Variants in PLEKHA5 observed in about 807,000 individuals in gnomAD.
The protein encoded by PLEKHA5 is pleckstrin homology domain-containing family A member 5.
In PLEKHA5, 55 loss-of-function variants were observed where a neutral mutation model predicts 181.9. The observed-to-expected ratio is 0.30, with a 90% CI of 0.24 to 0.38. PLEKHA5 has a LOEUF of 0.38. Among genes scored for constraint, PLEKHA5 ranks in the 10% least tolerant of loss-of-function variants. The pLI is 1.00. For synonymous variants in PLEKHA5, 535 were observed against 529.4 expected (o/e 1.01, Z -0.15); for missense variants, 1,432 against 1,549.5 (o/e 0.92, Z 1.27).
At chr12:19,181,138 C>T (rs1591960706) in intron 3 of PLEKHA5, among the ~76,000 whole-genome samples, 3 of 151,878 alleles carry the variant, frequency 2.0e-5, no homozygotes, top group Non-Finnish European at 2.9e-5. Flanking sequence ...TTGAGATGAC[C>T]TGAACTAGGT....
chr12:19,210,485 T>C (rs2056686571), intron 3 of PLEKHA5, among the ~76,000 whole-genome samples: 1 of 152,182 alleles, frequency 6.6e-6, no homozygotes, highest in East Asian at 1.9e-4. Flanking sequence ...CTTCTCCCAT[T>C]CTTCTTGATG....
intron 3 of PLEKHA5, among the ~76,000 whole-genome samples, chr12:19,236,406 C>T (rs2061416038): frequency 6.6e-6 from 1 of 152,090 alleles, no homozygotes; most frequent in Non-Finnish European, 1.5e-5. Context: ...ATGAGGCTCA[C>T]ATGAATTTGT....
At chr12:19,355,121 C>T (rs2094852652) in intron 26 of PLEKHA5, among the ~76,000 whole-genome samples, 3 of 152,144 alleles carry the variant, frequency 2.0e-5, no homozygotes, top group Non-Finnish European at 4.4e-5. Context: ...CTATATTTTA[C>T]ATTTTCATCT....
intron 20 of PLEKHA5, among the ~76,000 whole-genome samples, chr12:19,328,558 AGTGTGTGTGTGT>A (rs56041821): frequency 5.5e-4 from 78 of 141,794 alleles, no homozygotes; most frequent in East Asian, 1.7e-3. Context: ...CTTTCCTAGG[AGTGTGTGTGTGT>A]GTGTGTGTGT....
chr12:19,342,463 C>G (rs1242571569), intron 21 of PLEKHA5, among the ~76,000 whole-genome samples: 3 of 152,040 alleles, frequency 2.0e-5, no homozygotes, highest in African/African-American at 7.2e-5. Context: ...TCAAGACCAG[C>G]CTGGCCAACA....
intron 15 of PLEKHA5, chr12:19,307,528 C>T (rs188679281): frequency 3.1e-4 from 95 of 307,484 alleles, no homozygotes; most frequent in Admixed American, 1.2e-3. Context: ...TGCCTAATTT[C>T]GGCTGCTATA....
intron 3 of PLEKHA5, among the ~76,000 whole-genome samples, chr12:19,205,893 A>C (rs1459566454): frequency 6.6e-6 from 1 of 152,132 alleles, no homozygotes; most frequent in East Asian, 1.9e-4. Context: ...CTTTAAAGAA[A>C]ATGATAGGGT....
intron 3 of PLEKHA5, among the ~76,000 whole-genome samples, chr12:19,239,759 T>C (rs1003719638): frequency 6.6e-6 from 1 of 152,208 alleles, no homozygotes; most frequent in African/African-American, 2.4e-5. Flanking sequence ...CAGCCACATC[T>C]GACTAATCCC....
intron 15 of PLEKHA5, among the ~76,000 whole-genome samples, chr12:19,314,376 G>T (rs564389668): frequency 5.9e-5 from 9 of 152,158 alleles, no homozygotes; most frequent in Admixed American, 1.3e-4. Context: ...TACTTGTAGA[G>T]AACTAATTTT....
At chr12:19,258,563 T>TTC (rs1290838873) in intron 6 of PLEKHA5, among the ~76,000 whole-genome samples, 2 of 143,932 alleles carry the variant, frequency 1.4e-5, no homozygotes, top group African/African-American at 2.5e-5. Context: ...TTCTTTTTCT[T>TTC]TTTTTTTTTT....
intron 3 of PLEKHA5, among the ~76,000 whole-genome samples, chr12:19,134,104 T>C (rs1039518084): frequency 1.3e-5 from 2 of 152,038 alleles, no homozygotes; most frequent in Non-Finnish European, 2.9e-5. Flanking sequence ...GTTTATTTGA[T>C]AGTACAAAAT....
At chr12:19,298,284 G>C (rs1234048694) in intron 15 of PLEKHA5, among the ~76,000 whole-genome samples, 1 of 151,774 alleles carries the variant, frequency 6.6e-6, no homozygotes, top group Non-Finnish European at 1.5e-5. Context: ...TGGCAGAACT[G>C]TAAGACTAAA....
chr12:19,305,283 T>G (rs1439864093), intron 15 of PLEKHA5, among the ~76,000 whole-genome samples: 1 of 151,966 alleles, frequency 6.6e-6, no homozygotes, highest in Middle Eastern at 3.2e-3. Flanking sequence ...ATTCAATAGG[T>G]GGGGTGCAGT....
chr12:19,173,954 T>G (rs1415948163), intron 3 of PLEKHA5, among the ~76,000 whole-genome samples: 1 of 152,202 alleles, frequency 6.6e-6, no homozygotes, highest in Non-Finnish European at 1.5e-5. Context: ...GCTATAGAAA[T>G]GATTTTCCAC....
chr12:19,159,800 C>T (rs539633265), intron 3 of PLEKHA5, among the ~76,000 whole-genome samples: 6 of 152,148 alleles, frequency 3.9e-5, no homozygotes, highest in Admixed American at 2.6e-4. Flanking sequence ...AATAAATACT[C>T]AAAAGTATTT....
intron 23 of PLEKHA5, 150 bp from the exon 24 acceptor site, chr12:19,346,844 G>T (rs537470905): frequency 5.6e-4 from 271 of 485,136 alleles, no homozygotes; most frequent in African/African-American, 4.7e-3. Flanking sequence ...AAAAATTTTT[G>T]ATTTTACTTT....
At chr12:19,202,888 C>G (rs1843707496) in intron 3 of PLEKHA5, among the ~76,000 whole-genome samples, 1 of 152,068 alleles carries the variant, frequency 6.6e-6, no homozygotes, top group Non-Finnish European at 1.5e-5. Flanking sequence ...TGCACTAAAA[C>G]TGTATAAAGT....
chr12:19,198,928 G>A (rs2053580364), intron 3 of PLEKHA5, among the ~76,000 whole-genome samples: 1 of 151,926 alleles, frequency 6.6e-6, no homozygotes, highest in Non-Finnish European at 1.5e-5. Context: ...TTTCATGTAT[G>A]GTTTTGTTTT....
intron 29 of PLEKHA5, among the ~76,000 whole-genome samples, chr12:19,365,629 C>T (rs989256143): frequency 6.6e-6 from 1 of 152,098 alleles, no homozygotes; most frequent in Admixed American, 6.6e-5. Context: ...TAAGCACTGA[C>T]TGGATATTTG....
Sources: gnomAD v4.1 joint callset for allele counts (sites outside exome capture counted in the v4.1 genomes callset) on GRCh38, gnomAD v4.1.1 for gene constraint, MANE v1.5 for transcripts, NCBI Gene and HGNC (gene_info 2026-07-23, HGNC 2026-07-21) for gene names.